The following ZNF2 variants were observed in gnomAD, a reference collection of about 807,000 sequenced individuals.
The protein encoded by ZNF2 is zinc finger protein 2.
In ZNF2, 12 loss-of-function variants were observed where a neutral mutation model predicts 21.9. The observed-to-expected ratio is 0.55, with a 90% CI of 0.35 to 0.89. ZNF2 has a LOEUF of 0.89. Among genes scored for constraint, ZNF2 ranks in the 40% least tolerant of loss-of-function variants. The pLI is 0.01. For synonymous variants in ZNF2, 186 were observed against 196.3 expected (o/e 0.95, Z 0.44); for missense variants, 462 against 544.2 (o/e 0.85, Z 1.50).
Position 95,182,227 on chromosome 2 carries a change from C to A in ZNF2, c.*121C>A, listed in dbSNP as rs1558717925. On this transcript the variant is annotated 3_prime_UTR_variant, in exon 5 of 5. Coordinates refer to ENST00000614034, the MANE Select transcript of ZNF2 (RefSeq NM_021088.4). ...TGGCTGCCGTTGTCCTGTCCTGCTTCTGCGCCAGAGTGTTTAATAAGCACT... is the reference window on the plus strand; with the variant it reads ...TGGCTGCCGTTGTCCTGTCCTGCTTATGCGCCAGAGTGTTTAATAAGCACT... 1 of 1,289,026 alleles carries A rather than the reference C, an allele frequency of 7.8e-7. No individual in the cohort carries two copies. Among genetic ancestry groups the A allele is most frequent in the East Asian group, 2.4e-5 (1 of 41,898 alleles). The allele number at this position is 1,289,026 out of a possible 1,614,324, so 79.8% of individuals were successfully genotyped here.
chr2:95,165,984 C>G (rs1159313548), intron 1 of ZNF2, 124 bp downstream of exon 1: 4 of 151,658 alleles, frequency 2.6e-5, no homozygotes, highest in Non-Finnish European at 5.9e-5. Flanking sequence ...GGCCAGCCTG[C>G]AGAGCGTGTG....
intron 2 of ZNF2, 68 bp downstream of exon 2, chr2:95,176,327 T>C: frequency 6.3e-7 from 1 of 1,599,088 alleles, no homozygotes; most frequent in Non-Finnish European, 8.6e-7. Flanking sequence ...TTTCTTTCTC[T>C]ATCCTGGAGC....
Position 95,177,606 on chromosome 2 carries a change from T to C in ZNF2, c.157T>C (p.Leu53=), listed in dbSNP as rs1674491551. The C allele has an allele frequency of 3.7e-6, 6 of 1,613,442 alleles. No homozygotes were observed. The highest frequency in any genetic ancestry group is 2.2e-5 in the East Asian group (1 of 44,828). ...MLENYNSIVS[L]GLPVPQPDVI... ...GGAGAACTATAACAGCATTGTGTCA[T>C]TGGGTAAGGGGAGCCTCCATGAGGA... The change falls in exon 3 of 5, where the codon TTG becomes CTG. Residue 53 remains leucine, a synonymous_variant. Transcript: ENST00000614034.
chr2:95,177,391 G>A, intron 2 of ZNF2, 92 bp from the exon 3 acceptor site: 1 of 1,460,418 alleles, frequency 6.8e-7, no homozygotes, highest in Non-Finnish European at 9.3e-7. Flanking sequence ...CTCCCACCAT[G>A]CGTCCTCCAG....
intron 1 of ZNF2, 145 bp downstream of exon 1, chr2:95,166,005 T>G (rs1674015990): frequency 6.6e-6 from 1 of 152,102 alleles, no homozygotes; most frequent in South Asian, 2.1e-4. Context: ...TCGCGACGTC[T>G]CGGTGCGGAC....
intron 3 of ZNF2, 93 bp downstream of exon 3, chr2:95,177,702 A>G: frequency 6.9e-7 from 1 of 1,450,942 alleles, no homozygotes; most frequent in Non-Finnish European, 9.2e-7. Context: ...CTCCCCGCTG[A>G]GTTCTGAGCC....
intron 1 of ZNF2, among the ~76,000 whole-genome samples, chr2:95,171,367 GT>G (rs957680983): frequency 1.2e-4 from 18 of 150,792 alleles, no homozygotes; most frequent in Non-Finnish European, 2.5e-4. Context: ...TGTATTGTCT[GT>G]TTTTCTTCTT....
chr2:95,174,403 T>A (rs190032888), intron 1 of ZNF2, among the ~76,000 whole-genome samples: 27 of 152,288 alleles, frequency 1.8e-4, no homozygotes, highest in African/African-American at 6.5e-4. Context: ...TGCAAAGCTC[T>A]CCTCGATGAA....
Position 95,181,990 on chromosome 2 carries a change from C to G in ZNF2, c.1162C>G (p.Gln388Glu), listed in dbSNP as rs777148452. Residue 388 changes from glutamine to glutamate, a missense_variant, in exon 5 of 5, where the codon CAG becomes GAG. Transcript: ENST00000614034. ...CCAGCGGTGCCGGCTCACGCGGCAT[C>G]AGCGTGTCCACACGGGAGAGAAGCC... ...FSQRCRLTRH[Q>E]RVHTGEKPFE... is the part of the protein sequence containing the mutation. 9 of 1,614,304 alleles carry G rather than the reference C, an allele frequency of 5.6e-6. No individual in the cohort carries two copies. The highest frequency in any genetic ancestry group is 7.6e-6 in the Non-Finnish European group (9 of 1,180,058).
rs188676724 is a variant in ZNF2 at position 95,171,633 on chromosome 2, G to A, written c.-39-4555G>A. On this transcript the variant is annotated intron_variant, in intron 1 of 4. Coordinates refer to ENST00000614034, the MANE Select transcript of ZNF2 (RefSeq NM_021088.4). Reference sequence around the variant, plus strand: ...CCTGACCTCGTGATCCACCCGCCTCGGCCTCCCAAAGTGCTGAGATTACAG... The same window carrying A: ...CCTGACCTCGTGATCCACCCGCCTCAGCCTCCCAAAGTGCTGAGATTACAG... 6.0e-3 allele frequency among the ~76,000 whole-genome samples: 906 copies of A among 152,202 alleles called. 5 individuals are homozygous for A. The highest frequency in any genetic ancestry group is 8.8e-3 in the Non-Finnish European group (598 of 67,998).
chr2:95,175,200 G>A (rs1674400526), intron 1 of ZNF2, among the ~76,000 whole-genome samples: 1 of 152,070 alleles, frequency 6.6e-6, no homozygotes, highest in Non-Finnish European at 1.5e-5. Context: ...ACTCTTGATT[G>A]TGAAAAACTG....
intron 3 of ZNF2, among the ~76,000 whole-genome samples, chr2:95,178,654 T>A (rs562063053): frequency 6.6e-6 from 1 of 152,310 alleles, no homozygotes; most frequent in South Asian, 2.1e-4. Flanking sequence ...AGCCCAAGCC[T>A]ATTTCCAGGA....
At position 95,177,484 on chromosome 2, in the gene ZNF2, A is replaced by C. The variant is rs1378336976; in HGVS notation, c.35A>C (p.Glu12Ala). The change falls in exon 3 of 5, where the codon GAA (glutamate) becomes GCA (alanine). Residue 12 changes from glutamate (E) to alanine (A), a missense_variant and splice_region_variant. Coordinates refer to ENST00000614034, the MANE Select transcript of ZNF2 (RefSeq NM_021088.4). ...GGGAGAATGTGATTGTATTTTCAGG[A>C]ATCAGTGACATTCGAAGACGTTGCC... Reference protein sequence around the residue: ...AAVSPTTRCQESVTFEDVAVV... With the variant: ...AAVSPTTRCQASVTFEDVAVV... 1.2e-6 allele frequency: 2 copies of C among 1,613,720 alleles called. No homozygotes were observed. The highest frequency in any genetic ancestry group is 3.3e-5 in the Admixed American group (2 of 59,978).
At chr2:95,166,672 A>C (rs1314627081) in intron 1 of ZNF2, among the ~76,000 whole-genome samples, 1 of 152,188 alleles carries the variant, frequency 6.6e-6, no homozygotes, top group Admixed American at 6.5e-5. Context: ...AAAGGGAAGG[A>C]TACAGATGAC....
chr2:95,182,866 TC>T lies in ZNF2; in HGVS notation c.*762del, dbSNP rs1408281277. Reference sequence around the variant, plus strand: ...TTTTATAATTTATGTATATGTATTATCCTCTCAACTAGATTGTAAGCACTTG... The same window carrying T: ...TTTTATAATTTATGTATATGTATTATCTCTCAACTAGATTGTAAGCACTTG... On this transcript the variant is annotated 3_prime_UTR_variant, in exon 5 of 5. Coordinates refer to ENST00000614034, the MANE Select transcript of ZNF2 (RefSeq NM_021088.4). 2.0e-5 allele frequency: 3 copies of T among 152,240 alleles called. No homozygotes were observed. Among genetic ancestry groups the T allele is most frequent in the Non-Finnish European group, 4.4e-5 (3 of 68,040 alleles). The allele number at this position is 152,240 out of a possible 1,614,324, so 9.4% of individuals were successfully genotyped here. A position where few individuals can be genotyped will look rare whatever the true frequency, so the allele number is the denominator to read the frequency against.
chr2:95,179,004 T>C (rs1674546580), intron 3 of ZNF2, among the ~76,000 whole-genome samples: 1 of 151,328 alleles, frequency 6.6e-6, no homozygotes, highest in Non-Finnish European at 1.5e-5. Context: ...TTTTTTTTTT[T>C]TTTTTGAGAC....
chr2:95,176,237 T>C lies in ZNF2; in HGVS notation c.11T>C (p.Val4Ala), dbSNP rs1439511205. 6.2e-7 allele frequency: 1 copy of C among 1,614,076 alleles called. No homozygotes were observed. Among genetic ancestry groups the C allele is most frequent in the Non-Finnish European group, 8.5e-7 (1 of 1,180,046 alleles). MAA[V>A]SPTTRCQESV... ...AGCACACAGGAGAGAATGGCTGCTG[T>C]GTCTCCGACCACCAGATGCCAGGTG... The change falls in exon 2 of 5, where the codon GTG becomes GCG. Residue 4 changes from valine to alanine, a missense_variant. Physicochemically the swap from Val to Ala is moderately conservative, Grantham distance 64 (BLOSUM62 0). Transcript: ENST00000614034.
intron 1 of ZNF2, among the ~76,000 whole-genome samples, chr2:95,172,659 T>C (rs1674317671): frequency 6.6e-6 from 1 of 150,542 alleles, no homozygotes; most frequent in South Asian, 2.1e-4. Context: ...TTTTTTTAGA[T>C]GGAGTCTCAC....
intron 3 of ZNF2, among the ~76,000 whole-genome samples, chr2:95,179,186 T>G (rs1268920824): frequency 3.3e-5 from 5 of 152,090 alleles, no homozygotes; most frequent in Admixed American, 6.5e-5. Context: ...GAGACAGGGT[T>G]TCACCATGTT....
Sources: gnomAD v4.1 joint callset for allele counts (sites outside exome capture counted in the v4.1 genomes callset) on GRCh38, gnomAD v4.1.1 for gene constraint, MANE v1.5 for transcripts, NCBI Gene and HGNC (gene_info 2026-07-23, HGNC 2026-07-21) for gene names.